TAP1: variants seen among roughly 807,000 people sequenced by gnomAD.
The protein encoded by TAP1 is transporter 1, ATP binding cassette subfamily B member.
A neutral mutation model predicts 79.3 loss-of-function variants in TAP1; 56 were observed. The ratio of observed to expected loss-of-function variants is 0.71; its 90% confidence interval spans 0.57 to 0.88. The LOEUF (loss-of-function observed/expected upper bound fraction) is 0.88. Ranked by LOEUF, TAP1 falls within the 40% of genes least tolerant of loss-of-function variation. The probability of loss-of-function intolerance (pLI) is 0.00; values close to 1 mark genes in which losing one functional copy is unlikely to be tolerated. For missense variants in TAP1, 737 were observed against 936.3 expected, an observed-to-expected ratio of 0.79 and a Z score of 2.78; for synonymous variants, 355 against 401.4, an observed-to-expected ratio of 0.88 and a Z score of 1.38.
At position 32,847,011 on chromosome 6, in the gene TAP1, T is replaced by C; in HGVS notation, c.2040+57A>G. ...TGATGTTAGTAAAACTAACAGAAGA[T>C]GTATAAAAGAAGCAAGATTGGGTGG... On this transcript the variant is annotated intron_variant, in intron 10 of 10. Coordinates refer to ENST00000354258, the MANE Select transcript of TAP1 (RefSeq NM_000593.6). The surrounding 1 kb of genome is among the most constrained non-coding windows in gnomAD (Gnocchi z 4.7). The C allele has an allele frequency of 2.5e-6, 4 of 1,603,796 alleles. No individual in the cohort carries two copies. The highest frequency in any genetic ancestry group is 1.1e-5 in the South Asian group (1 of 91,034).
chr6:32,849,011 C>T lies in TAP1; in HGVS notation c.1356G>A (p.Met452Ile), dbSNP rs1196276813. The change falls in exon 6 of 11, where the codon ATG becomes ATA. Residue 452 changes from methionine (M) to isoleucine (I), a missense_variant. This residue lies in a region of TAP1 where 14 missense variants were observed against 42.0 expected (regional missense o/e 0.33). Coordinates refer to ENST00000354258, the MANE Select transcript of TAP1 (RefSeq NM_000593.6). Reference protein sequence around the residue: ...GNLVTFVLYQMQFTQAVEVLL... With the variant: ...GNLVTFVLYQIQFTQAVEVLL... ...TCACCTCCACAGCCTGGGTGAACTGCATCTGGTAGAGAACAAATGTGACAA... is the reference window on the plus strand; with the variant it reads ...TCACCTCCACAGCCTGGGTGAACTGTATCTGGTAGAGAACAAATGTGACAA... 1.2e-6 allele frequency: 2 copies of T among 1,611,096 alleles called. No homozygotes were observed. The highest frequency in any genetic ancestry group is 1.7e-6 in the Non-Finnish European group (2 of 1,179,084).
chr6:32,852,215 G>C lies in TAP1; in HGVS notation c.738C>G (p.Asp246Glu), dbSNP rs765432671. ...GGCCCATGGTGTTGTTATAGATCCC[G>C]TCACCCACGAACTCCAGCACTGCAC... The part of the protein sequence containing the change: ...IASAVLEFVG[D>E]GIYNNTMGHV... The change falls in exon 3 of 11, where the codon GAC (aspartate) becomes GAG (glutamate). Residue 246 changes from aspartate to glutamate, a missense_variant. By Grantham distance (45) the Asp-to-Glu change is conservative. Coordinates refer to ENST00000354258, the MANE Select transcript of TAP1 (RefSeq NM_000593.6). The surrounding 1 kb of genome is among the most constrained non-coding windows in gnomAD (Gnocchi z 4.8). 6 of 1,612,912 alleles carry C rather than the reference G, an allele frequency of 3.7e-6. No homozygotes were observed. The South Asian group carries it at 5.5e-5, about 15-fold the overall frequency.
Position 32,852,471 on chromosome 6 carries a change from G to A in TAP1, c.630C>T (p.Arg210=). The A allele has an allele frequency of 6.2e-7, 1 of 1,613,026 alleles. No individual in the cohort carries two copies. The highest frequency in any genetic ancestry group is 8.5e-7 in the Non-Finnish European group (1 of 1,180,022). ...GEMAIPFFTG[R]LTDWILQDGS... is the part of the protein sequence containing the mutation. ...CATCTTGTAGAATCCAGTCAGTGAG[G>A]CGGCCCGTAAAGAATGGAATGGCCA... Residue 210 remains arginine, a synonymous_variant, in exon 2 of 11, where the codon CGC becomes CGT. Coordinates refer to ENST00000354258, the MANE Select transcript of TAP1 (RefSeq NM_000593.6). The surrounding 1 kb of genome is among the most constrained non-coding windows in gnomAD (Gnocchi z 4.8).
In TAP1 at chr6:32,848,037, C is replaced by G; in HGVS notation, c.1622G>C (p.Gly541Ala). 2 of 1,613,084 alleles carry G rather than the reference C, an allele frequency of 1.2e-6. No individual in the cohort carries two copies. Among genetic ancestry groups the G allele is most frequent in the Non-Finnish European group, 1.7e-6 (2 of 1,180,014 alleles). ...GGCAGCCACTGTGCTCTTCCCAGACCCATTGGGTCCCACCAGCGCCGTCAC... is the reference window on the plus strand; with the variant it reads ...GGCAGCCACTGTGCTCTTCCCAGACGCATTGGGTCCCACCAGCGCCGTCAC... ...GEVTALVGPN[G>A]SGKSTVAALL... Residue 541 changes from glycine to alanine, a missense_variant, in exon 8 of 11, where the codon GGG becomes GCG. By Grantham distance (60) the Gly-to-Ala change is moderately conservative. Around this residue, in one of 5 missense-constraint regions of TAP1, gnomAD observed 266 missense variants for 332.4 expected, o/e 0.80. Transcript: ENST00000354258.
rs370368355 is a variant in TAP1 at position 32,850,923 on chromosome 6, G to T, written c.1050+21C>A. 1 of 1,601,930 alleles carries T rather than the reference G, an allele frequency of 6.2e-7. No homozygotes were observed. On this transcript the variant is annotated intron_variant, in intron 4 of 10. Transcript: ENST00000354258. The surrounding 1 kb of genome is among the most constrained non-coding windows in gnomAD (Gnocchi z 5.5). ...TGGGAGATGAGGGTCTGTGTAGAGC[G>T]GGCCAACTCCATGAACATACCTGGT...
rs1175321393 is a variant in TAP1 at position 32,845,298 on chromosome 6, TC to T, written c.*280del. ...CTTCAGTTATGTTGAAAATAGCTGA[TC>T]ATCTTTCCGTACATTCTGAACATTT... is the stretch of plus-strand genomic sequence containing the variant. On this transcript the variant is annotated 3_prime_UTR_variant, in exon 11 of 11. Transcript: ENST00000354258. This position sits in a 1 kb window ranked among gnomAD's most constrained non-coding sequence, Gnocchi z 4.5. The T allele has an allele frequency of 3.5e-6, 2 of 570,460 alleles. No homozygotes were observed. Among genetic ancestry groups the T allele is most frequent in the South Asian group, 4.1e-5 (2 of 49,190 alleles). The allele number at this position is 570,460 out of a possible 1,614,324, so 35.3% of individuals were successfully genotyped here.
At position 32,847,903 on chromosome 6, in the gene TAP1, C is replaced by T; in HGVS notation, c.1740+16G>A. 1 of 1,613,136 alleles carries T rather than the reference C, an allele frequency of 6.2e-7. No homozygotes were observed. ...TTGATGCTCCCTGCCCTCCTTCAAG[C>T]CACCTGCTTCCATACCTGCCTGTGC... On this transcript the variant is annotated intron_variant, in intron 8 of 10. Coordinates refer to ENST00000354258, the MANE Select transcript of TAP1 (RefSeq NM_000593.6). This position sits in a 1 kb window ranked among gnomAD's most constrained non-coding sequence, Gnocchi z 4.7.
chr6:32,848,083 A>G lies in TAP1; in HGVS notation c.1576T>C (p.Phe526Leu). 1.2e-6 allele frequency: 2 copies of G among 1,605,168 alleles called. No homozygotes were observed. Among genetic ancestry groups the G allele is most frequent in the Non-Finnish European group, 1.7e-6 (2 of 1,176,052 alleles). The change falls in exon 8 of 11, where the codon TTC (phenylalanine) becomes CTC (leucine). Residue 526 changes from phenylalanine to leucine, a missense_variant. This residue lies in a region of TAP1 where 266 missense variants were observed against 332.4 expected (regional missense o/e 0.80). Transcript: ENST00000354258. ...GTCACCTCGCCAGGGCGTAGGGTGA[A>G]TGTCAGCCCCTAGAGGCCAGAGAAG... ...PDVLVLQGLT[F>L]TLRPGEVTAL... is the part of the protein sequence containing the mutation.
At position 32,845,567 on chromosome 6, in the gene TAP1, C is replaced by A; in HGVS notation, c.*12G>T. On this transcript the variant is annotated 3_prime_UTR_variant, in exon 11 of 11. Transcript: ENST00000354258. The surrounding 1 kb of genome is among the most constrained non-coding windows in gnomAD (Gnocchi z 4.5). ...AGGGAGGGAGATGGAGTGCGCAGGT[C>A]TGAGAAGGCTTTCATTCTGGAGCAT... The A allele has an allele frequency of 6.2e-7, 1 of 1,613,010 alleles. No individual in the cohort carries two copies. The highest frequency in any genetic ancestry group is 8.5e-7 in the Non-Finnish European group (1 of 1,179,980).
rs1439935616 is a variant in TAP1, at chr6:32,850,983, C to A, written c.1011G>T (p.Leu337=). The A allele has an allele frequency of 6.2e-6, 10 of 1,612,828 alleles. No individual in the cohort carries two copies. The highest frequency in any genetic ancestry group is 8.5e-6 in the Non-Finnish European group (10 of 1,180,028). ...LTMVTLITLP[L]LFLLPKKVGK... ...CCACCTTCTTGGGCAGAAGGAAAAG[C>A]AGAGGCAGGGTGATCAGGGTGACCA... The change falls in exon 4 of 11, where the codon CTG becomes CTT. Residue 337 remains leucine (L), a synonymous_variant. Transcript: ENST00000354258. This position sits in a 1 kb window ranked among gnomAD's most constrained non-coding sequence, Gnocchi z 5.5.
chr6:32,846,588 G>C lies in TAP1; in HGVS notation c.2040+480C>G, dbSNP rs148628008. On this transcript the variant is annotated intron_variant, in intron 10 of 10. Transcript: ENST00000354258. ...TAACCCCAGCCCTTTGGGAGGCTGA[G>C]GGGGGCAGATTACCTGAGCTCAGGA... 7.5e-4 allele frequency: 209 copies of C among 277,452 alleles called. 1 individual carries two copies. Among genetic ancestry groups the C allele is most frequent in the African/African-American group, 4.2e-3 (193 of 45,480 alleles). 17.2% of individuals were successfully genotyped at this position (277,452 alleles called of 1,614,324 possible).
At position 32,853,365 on chromosome 6, in the gene TAP1, C is replaced by T. The variant is rs1321668688; in HGVS notation, c.272G>A (p.Gly91Asp). 6.3e-7 allele frequency: 1 copy of T among 1,595,378 alleles called. No individual in the cohort carries two copies. Among genetic ancestry groups the T allele is most frequent in the Non-Finnish European group, 8.5e-7 (1 of 1,171,190 alleles). ...TAATGGCTTCAAAGCAGCCAGCCAGCCCTGGGCACCTGCGTTTTCGCTCTT... is the reference window on the plus strand; with the variant it reads ...TAATGGCTTCAAAGCAGCCAGCCAGTCCTGGGCACCTGCGTTTTCGCTCTT... ...GSKSENAGAQ[G>D]WLAALKPLAA... The change falls in exon 1 of 11, where the codon GGC becomes GAC. Residue 91 changes from glycine to aspartate, a missense_variant. By Grantham distance (94) the Gly-to-Asp change is moderately conservative. Coordinates refer to ENST00000354258, the MANE Select transcript of TAP1 (RefSeq NM_000593.6). This position sits in a 1 kb window ranked among gnomAD's most constrained non-coding sequence, Gnocchi z 8.3.
rs144830209 is a variant in TAP1 at position 32,853,200 on chromosome 6, G to A, written c.437C>T (p.Ala146Val). ...HPTAFVVSYA[A>V]ALPAAALWHK... ...CCACAGGGCTGCTGCGGGCAGTGCC[G>A]CTGCATAACTGACAACGAAGGCGGT... The change falls in exon 1 of 11, where the codon GCG (alanine) becomes GTG (valine). Residue 146 changes from alanine (A) to valine (V), a missense_variant. By Grantham distance (64) the Ala-to-Val change is moderately conservative (BLOSUM62 0). This residue lies in a region of TAP1 where 406 missense variants were observed against 477.2 expected (regional missense o/e 0.85). Transcript: ENST00000354258. The surrounding 1 kb of genome is among the most constrained non-coding windows in gnomAD (Gnocchi z 8.3). The A allele has an allele frequency of 2.8e-4, 450 of 1,612,104 alleles. 2 individuals carry two copies. The Admixed American group carries it at 5.2e-3, about 18-fold the overall frequency.
chr6:32,848,073 C>T lies in TAP1; in HGVS notation c.1586G>A (p.Arg529His), dbSNP rs778935373. 3.1e-5 allele frequency: 50 copies of T among 1,609,400 alleles called. No homozygotes were observed. The Middle Eastern group carries it at 6.6e-4, about 21-fold the overall frequency. Residue 529 changes from arginine to histidine, a missense_variant, in exon 8 of 11, where the codon CGC becomes CAC. Coordinates refer to ENST00000354258, the MANE Select transcript of TAP1 (RefSeq NM_000593.6). ...LVLQGLTFTL[R>H]PGEVTALVGP... ...CACCAGCGCCGTCACCTCGCCAGGGCGTAGGGTGAATGTCAGCCCCTAGAG... is the reference window on the plus strand; with the variant it reads ...CACCAGCGCCGTCACCTCGCCAGGGTGTAGGGTGAATGTCAGCCCCTAGAG...
At chr6:32,846,722 G>C (rs1770436468) in intron 10 of TAP1, among the ~76,000 whole-genome samples, 1 of 152,052 alleles carries the variant, frequency 6.6e-6, no homozygotes. Flanking sequence ...GGGAGGCTGA[G>C]GGGAGAATCG....
chr6:32,852,361 A>G lies in TAP1; in HGVS notation c.713+27T>C. 8.7e-6 allele frequency: 14 copies of G among 1,612,884 alleles called. No individual in the cohort carries two copies. The highest frequency in any genetic ancestry group is 1.2e-5 in the Non-Finnish European group (14 of 1,179,878). The stretch of plus-strand genomic sequence containing the variant: ...CCCAACTTCCAACTCCCTCATTTGC[A>G]GGGTGCCCCATTTTCAGCCCCCAGA... On this transcript the variant is annotated intron_variant, in intron 2 of 10. Transcript: ENST00000354258. This position sits in a 1 kb window ranked among gnomAD's most constrained non-coding sequence, Gnocchi z 4.8.
At position 32,853,656 on chromosome 6, in the gene TAP1, C is replaced by A; in HGVS notation, c.-20G>T. The A allele has an allele frequency of 6.2e-7, 1 of 1,601,416 alleles. No individual in the cohort carries two copies. On this transcript the variant is annotated 5_prime_UTR_variant, in exon 1 of 11. Coordinates refer to ENST00000354258, the MANE Select transcript of TAP1 (RefSeq NM_000593.6). The surrounding 1 kb of genome is among the most constrained non-coding windows in gnomAD (Gnocchi z 8.3). Reference sequence around the variant, plus strand: ...AGCCATTGGCACTCGGACGCCGTCCCGGTCCCGGCCGGGCCTGGGACTCTC... The same window carrying A: ...AGCCATTGGCACTCGGACGCCGTCCAGGTCCCGGCCGGGCCTGGGACTCTC...
In TAP1 at chr6:32,847,663, C is replaced by T. The variant is rs1024069465; in HGVS notation, c.1753G>A (p.Gly585Arg). 12 of 1,613,598 alleles carry T rather than the reference C, an allele frequency of 7.4e-6. No individual in the cohort carries two copies. The African/African-American group carries it at 1.2e-4, about 16-fold the overall frequency. ...RYLHRQVAAV[G>R]QEPQVFGRSL... ...CTTCCAAATACCTGTGGCTCTTGTC[C>T]CACTGCAGCCACCTGAGATGAAATA... Residue 585 changes from glycine to arginine, a missense_variant, in exon 9 of 11, where the codon GGA becomes AGA. Physicochemically the swap from Gly to Arg is moderately radical, Grantham distance 125. Coordinates refer to ENST00000354258, the MANE Select transcript of TAP1 (RefSeq NM_000593.6). This position sits in a 1 kb window ranked among gnomAD's most constrained non-coding sequence, Gnocchi z 4.7.
In TAP1 at chr6:32,850,240, G is replaced by A; in HGVS notation, c.1248+80C>T. ...AACCATTTCCCAGTAAAGGAGGAGT[G>A]GGAGCAGGGTCATAGGAATGGGAAT... On this transcript the variant is annotated intron_variant, in intron 5 of 10. Transcript: ENST00000354258. This position sits in a 1 kb window ranked among gnomAD's most constrained non-coding sequence, Gnocchi z 5.5. 6.8e-7 allele frequency: 1 copy of A among 1,468,184 alleles called. No homozygotes were observed. Among genetic ancestry groups the A allele is most frequent in the South Asian group, 1.1e-5 (1 of 88,102 alleles). 90.9% of individuals were successfully genotyped at this position (1,468,184 alleles called of 1,614,324 possible).
Sources: gnomAD v4.1 joint callset for allele counts (sites outside exome capture counted in the v4.1 genomes callset) on GRCh38, gnomAD v4.1.1 for gene constraint, gnomAD v4.1.1 regional missense constraint, Gnocchi (gnomAD v3.1) non-coding constraint, MANE v1.5 for transcripts, NCBI Gene and HGNC (gene_info 2026-07-23, HGNC 2026-07-21) for gene names.